Variants in CCND3 observed in about 807,000 individuals in gnomAD.
The protein encoded by CCND3 is cyclin D3, also known as G1/S-specific cyclin-D3.
A neutral mutation model predicts 28.7 loss-of-function variants in CCND3; 9 were observed. The ratio of observed to expected loss-of-function variants is 0.31; its 90% confidence interval spans 0.19 to 0.55. The LOEUF (loss-of-function observed/expected upper bound fraction) is 0.55, where lower values mean the gene tolerates loss of function less well. CCND3 is among the 20% of genes least tolerant of loss of function. CCND3 has a pLI of 0.93. For missense variants in CCND3, 315 were observed against 385.8 expected (o/e 0.82, Z 1.54); for synonymous variants, 164 against 163.9 (o/e 1.00, Z 0.00).
chr6:41,937,874 C>G (rs1253293972), intron 2 of CCND3: 1 of 171,936 alleles, frequency 5.8e-6, no homozygotes, highest in East Asian at 1.5e-4. Flanking sequence ...GCATCCCAGC[C>G]AAGTCCACAC....
chr6:42,032,754 A>G (rs1401250429), intron 1 of CCND3, among the ~76,000 whole-genome samples: 3 of 152,166 alleles, frequency 2.0e-5, no homozygotes. Context: ...AGGCTGCCTG[A>G]CCTGTACCAC....
intron 1 of CCND3, among the ~76,000 whole-genome samples, chr6:41,984,962 C>T (rs896733666): frequency 2.0e-5 from 3 of 152,174 alleles, no homozygotes; most frequent in African/African-American, 4.8e-5. Context: ...TTCTCTTCCT[C>T]TCTCAACTGA....
intron 1 of CCND3, chr6:42,047,884 T>C (rs1301681400): frequency 6.6e-6 from 1 of 152,402 alleles, no homozygotes; most frequent in East Asian, 1.9e-4. Context: ...CTATGTCTAT[T>C]GTTTTGTGAT....
intron 1 of CCND3, among the ~76,000 whole-genome samples, chr6:42,004,747 G>C (rs1015044404): frequency 2.6e-5 from 4 of 152,014 alleles, no homozygotes; most frequent in Admixed American, 6.6e-5. Flanking sequence ...AAAAGAAAAA[G>C]AAAGAATAAC....
At chr6:41,967,858 C>T (rs1761930210) in intron 1 of CCND3, among the ~76,000 whole-genome samples, 1 of 152,208 alleles carries the variant, frequency 6.6e-6, no homozygotes, top group Admixed American at 6.5e-5. Context: ...CCACTAATGT[C>T]CACATCCTTC....
At chr6:42,004,296 G>A (rs550636294) in intron 1 of CCND3, among the ~76,000 whole-genome samples, 17 of 151,918 alleles carry the variant, frequency 1.1e-4, no homozygotes, top group African/African-American at 4.1e-4. Flanking sequence ...ATGGCAGAGG[G>A]TTAAAAGATG....
At chr6:41,971,881 T>C (rs916294375) in intron 1 of CCND3, among the ~76,000 whole-genome samples, 1 of 151,136 alleles carries the variant, frequency 6.6e-6, no homozygotes, top group African/African-American at 2.4e-5. Context: ...TTGCATTTAC[T>C]TGTCGTATCT....
At chr6:41,961,660 T>A (rs1214981506) in intron 1 of CCND3, among the ~76,000 whole-genome samples, 2 of 152,088 alleles carry the variant, frequency 1.3e-5, no homozygotes, top group Middle Eastern at 3.2e-3. Flanking sequence ...ATTGCCTCCC[T>A]CTAGATAAGC....
chr6:41,999,618 T>C (rs1027954843), intron 1 of CCND3, among the ~76,000 whole-genome samples: 2 of 152,140 alleles, frequency 1.3e-5, no homozygotes, highest in Non-Finnish European at 2.9e-5. Context: ...CTAAACTTGG[T>C]GGCTCATGGC....
intron 1 of CCND3, among the ~76,000 whole-genome samples, chr6:42,003,245 G>T (rs1404102304): frequency 6.6e-6 from 1 of 150,918 alleles, no homozygotes; most frequent in Non-Finnish European, 1.5e-5. Flanking sequence ...AACAGCAGAG[G>T]CCAGGAGCAA....
intron 1 of CCND3, among the ~76,000 whole-genome samples, chr6:42,036,345 G>T (rs1764209536): frequency 2.1e-5 from 2 of 96,806 alleles, no homozygotes; most frequent in Admixed American, 1.3e-4. Context: ...ATGGAGCCTT[G>T]CTCTTGTTGC....
chr6:41,985,304 CTTTTTTTTTTTTT>C (rs56672487), intron 1 of CCND3, among the ~76,000 whole-genome samples: 1 of 53,284 alleles, frequency 1.9e-5, no homozygotes, highest in East Asian at 6.7e-4. Context: ...CAGTTCAAGT[CTTTTTTTTTTTTT>C]TTTTTTTTTT....
At chr6:41,948,343 G>T (rs1256723142) in intron 1 of CCND3, among the ~76,000 whole-genome samples, 47 of 144,388 alleles carry the variant, frequency 3.3e-4, no homozygotes, top group East Asian at 6.2e-4. Flanking sequence ...GTTTTTTTTT[G>T]TTTTTTTTTT....
rs530545470 is a variant in CCND3 at position 42,003,157 on chromosome 6, C to T, written c.-46+45344G>A. On this transcript the variant is annotated intron_variant, in intron 1 of 4. Transcript: ENST00000372988. ...AGCCTGGACAACAAGAGCGAAACAG[C>T]GTGTCAAAAAAAAAAAAAAGAGAAA... 7.4e-4 allele frequency among the ~76,000 whole-genome samples: 46 copies of T among 62,282 alleles called. No homozygotes were observed. The South Asian group carries it at 0.02, about 27-fold the overall frequency. The allele number at this position is 62,282 out of a possible 152,430, so 40.9% of individuals were successfully genotyped here. A position where few individuals can be genotyped will look rare whatever the true frequency, so the allele number is the denominator to read the frequency against.
In CCND3 at chr6:41,940,513, A is replaced by G. The variant is rs758116591; in HGVS notation, c.271T>C (p.Cys91Arg). 6.2e-7 allele frequency: 1 copy of G among 1,614,044 alleles called. No homozygotes were observed. Among genetic ancestry groups the G allele is most frequent in the Admixed American group, 1.7e-5 (1 of 60,018 alleles). The stretch of plus-strand genomic sequence containing the variant: ...AACTGCGCCTTTCGGGTGGGGACGC[A>G]AGACAGGTAGCGATCCAGGTAGTTC... ...AMNYLDRYLS[C>R]VPTRKAQLQL... Residue 91 changes from cysteine (C) to arginine (R), a missense_variant, in exon 2 of 5, where the codon TGC (cysteine) becomes CGC (arginine). Physicochemically the swap from Cys to Arg is radical, Grantham distance 180. Coordinates refer to ENST00000372991, the MANE Select transcript of CCND3 (RefSeq NM_001760.5).
At chr6:41,961,996 C>T (rs1761731072) in intron 1 of CCND3, among the ~76,000 whole-genome samples, 3 of 152,200 alleles carry the variant, frequency 2.0e-5, no homozygotes, top group Non-Finnish European at 1.5e-5. Flanking sequence ...CTGGTCCTTC[C>T]ACTCAGTGCT....
At chr6:42,006,398 T>C (rs954544968) in intron 1 of CCND3, among the ~76,000 whole-genome samples, 1 of 152,062 alleles carries the variant, frequency 6.6e-6, no homozygotes, top group African/African-American at 2.4e-5. Context: ...ATCATTATTA[T>C]GAGTGGGAAG....
chr6:42,048,997 T>C (rs757623178), upstream of CCND3: 21 of 195,252 alleles, frequency 1.1e-4, no homozygotes, highest in Non-Finnish European at 1.5e-4. The surrounding 1 kb of genome is among the most constrained non-coding windows in gnomAD (Gnocchi z 4.7). Context: ...CTCCACGTGC[T>C]ATCCAGGAAG....
chr6:41,987,617 C>T (rs1298051562), intron 1 of CCND3, among the ~76,000 whole-genome samples: 1 of 150,934 alleles, frequency 6.6e-6, no homozygotes, highest in Non-Finnish European at 1.5e-5. Context: ...ATCCTCCAGC[C>T]TCAGTCTCCC....
Sources: gnomAD v4.1 joint callset for allele counts (sites outside exome capture counted in the v4.1 genomes callset) on GRCh38, gnomAD v4.1.1 for gene constraint, Gnocchi (gnomAD v3.1) non-coding constraint, MANE v1.5 for transcripts, NCBI Gene and HGNC (gene_info 2026-07-23, HGNC 2026-07-21) for gene names.